TRPC1: variants seen among roughly 807,000 people sequenced by gnomAD.
TRPC1 encodes the protein short transient receptor potential channel 1.
A neutral mutation model predicts 88.2 loss-of-function variants in TRPC1; 42 were observed. The ratio of observed to expected loss-of-function variants is 0.48; its 90% CI spans 0.37 to 0.62. The LOEUF is 0.62. Ranked by LOEUF, TRPC1 falls within the 20% of genes least tolerant of loss-of-function variation. TRPC1 has a pLI of 0.00. For missense variants in TRPC1, 699 were observed against 957.3 expected (o/e 0.73, Z 3.56); for synonymous variants, 288 against 331.8 (o/e 0.87, Z 1.43).
intron 1 of TRPC1, among the ~76,000 whole-genome samples, chr3:142,727,996 T>G (rs4607150): frequency 6.6e-6 from 1 of 151,586 alleles, no homozygotes; most frequent in African/African-American, 2.4e-5. Flanking sequence ...AAAAAAAAAC[T>G]TGTTGAGTAG....
At chr3:142,731,032 C>G (rs1331919738) in intron 1 of TRPC1, among the ~76,000 whole-genome samples, 2 of 152,166 alleles carry the variant, frequency 1.3e-5, no homozygotes, top group Non-Finnish European at 2.9e-5. Context: ...TAACATTTCT[C>G]CATTGTATTT....
intron 6 of TRPC1, 98 bp from the exon 7 acceptor site, chr3:142,784,606 T>C (rs1936072449): frequency 1.0e-6 from 1 of 969,180 alleles, no homozygotes; most frequent in Non-Finnish European, 1.5e-6. Flanking sequence ...AATTGATTTT[T>C]AAACTCTTAT....
intron 3 of TRPC1, among the ~76,000 whole-genome samples, chr3:142,744,977 A>G (rs993283289): frequency 3.9e-4 from 60 of 152,360 alleles, no homozygotes; most frequent in African/African-American, 1.4e-3. Context: ...ACTCTCTGCC[A>G]TGTTTGAGAA....
intron 4 of TRPC1, among the ~76,000 whole-genome samples, chr3:142,763,996 A>T (rs1293953235): frequency 1.4e-5 from 1 of 69,868 alleles, no homozygotes; most frequent in Non-Finnish European, 2.5e-5. Flanking sequence ...ACATACATAC[A>T]TACATATATA....
At chr3:142,793,456 A>G (rs938383823) in intron 9 of TRPC1, among the ~76,000 whole-genome samples, 4 of 152,054 alleles carry the variant, frequency 2.6e-5, no homozygotes, top group African/African-American at 9.7e-5. Context: ...GCATACTTAG[A>G]GCTAAAAAAT....
chr3:142,748,203 A>C (rs963638947), intron 3 of TRPC1, 55 bp from the exon 4 acceptor site: 65 of 1,394,812 alleles, frequency 4.7e-5, no homozygotes, highest in Non-Finnish European at 6.3e-5. Context: ...TCAGATAAAT[A>C]TATTTTTTGA....
At chr3:142,740,169 T>A (rs2108028699) in intron 2 of TRPC1, among the ~76,000 whole-genome samples, 1 of 152,358 alleles carries the variant, frequency 6.6e-6, no homozygotes, top group Non-Finnish European at 1.5e-5. Context: ...CCAAAAAGGT[T>A]GGAGACCGCT....
At chr3:142,763,066 G>C (rs1428654756) in intron 4 of TRPC1, among the ~76,000 whole-genome samples, 4 of 151,970 alleles carry the variant, frequency 2.6e-5, no homozygotes, top group Non-Finnish European at 5.9e-5. Context: ...AATTTGTTTA[G>C]ACTTGTTTTG....
At chr3:142,738,125 G>A (rs1260395802) in intron 2 of TRPC1, among the ~76,000 whole-genome samples, 2 of 152,156 alleles carry the variant, frequency 1.3e-5, no homozygotes, top group Non-Finnish European at 2.9e-5. Flanking sequence ...CTATATAGAT[G>A]TTACATTTTA....
intron 1 of TRPC1, among the ~76,000 whole-genome samples, chr3:142,736,007 T>C (rs966382614): frequency 6.6e-5 from 10 of 152,178 alleles, no homozygotes; most frequent in African/African-American, 2.2e-4. Flanking sequence ...CTTAATTCTT[T>C]AAGCTTTTTC....
At chr3:142,785,367 G>T in intron 7 of TRPC1, 2 of 184,116 alleles carry the variant, frequency 1.1e-5, no homozygotes, top group South Asian at 1.6e-4. Flanking sequence ...TTTGGTGTAA[G>T]AATATGAAGT....
At chr3:142,757,300 T>A (rs888005813) in intron 4 of TRPC1, among the ~76,000 whole-genome samples, 11 of 151,822 alleles carry the variant, frequency 7.2e-5, no homozygotes, top group Admixed American at 6.6e-4. Context: ...TAAAAAAAAA[T>A]TATGTTTAAA....
At chr3:142,751,060 GTTAAAAT>G (rs1225525618) in intron 4 of TRPC1, among the ~76,000 whole-genome samples, 1 of 152,124 alleles carries the variant, frequency 6.6e-6, no homozygotes, top group Non-Finnish European at 1.5e-5. Flanking sequence ...TGGTAAAAAA[GTTAAAAT>G]TTAAAGTTTA....
rs1029666157 is a variant in TRPC1, at chr3:142,776,216, G to A, written c.633-1416G>A. Reference sequence around the variant, plus strand: ...TCGTGTGTGAGTAGAAAATATCAGGGAGGACATGCACAATTCTCTGTAAAA... The same window carrying A: ...TCGTGTGTGAGTAGAAAATATCAGGAAGGACATGCACAATTCTCTGTAAAA... On this transcript the variant is annotated intron_variant, in intron 4 of 12. Coordinates refer to ENST00000476941, the MANE Select transcript of TRPC1 (RefSeq NM_001251845.2). This position sits in a 1 kb window ranked among gnomAD's most constrained non-coding sequence, Gnocchi z 4.1. 4.6e-5 allele frequency among the ~76,000 whole-genome samples: 7 copies of A among 152,152 alleles called. No homozygotes were observed. Among genetic ancestry groups the A allele is most frequent in the African/African-American group, 1.4e-4 (6 of 41,448 alleles).
In TRPC1 at chr3:142,807,267, T is replaced by A. The variant is rs769321940; in HGVS notation, c.*1032T>A. 1 of 152,222 alleles carries A rather than the reference T, an allele frequency of 6.6e-6. No individual in the cohort carries two copies. Among genetic ancestry groups the A allele is most frequent in the Non-Finnish European group, 1.5e-5 (1 of 68,026 alleles). 9.4% of individuals were successfully genotyped at this position (152,222 alleles called of 1,614,324 possible). ...TATCTCCCAAGGTACTTTCCATAAT[T>A]TAACACAGCTTCTATAAAAGTGACT... On this transcript the variant is annotated 3_prime_UTR_variant, in exon 13 of 13. Transcript: ENST00000476941.
intron 4 of TRPC1, among the ~76,000 whole-genome samples, chr3:142,761,654 G>C (rs1367034620): frequency 6.6e-6 from 1 of 152,068 alleles, no homozygotes; most frequent in Non-Finnish European, 1.5e-5. Context: ...GTTGGTATTA[G>C]TTTTCTTGAA....
intron 4 of TRPC1, among the ~76,000 whole-genome samples, chr3:142,774,452 C>G (rs993144534): frequency 6.6e-6 from 1 of 152,198 alleles, no homozygotes; most frequent in Non-Finnish European, 1.5e-5. Context: ...CCATTACTTT[C>G]AGCCAGTAGA....
intron 1 of TRPC1, among the ~76,000 whole-genome samples, chr3:142,736,116 TATTA>T (rs1437433566): frequency 6.6e-6 from 1 of 152,116 alleles, no homozygotes; most frequent in Non-Finnish European, 1.5e-5. Flanking sequence ...ATCATTCAGT[TATTA>T]ATTTTAAACT....
chr3:142,724,510 C>CG lies in TRPC1; in HGVS notation c.-48dup. 2.0e-6 allele frequency: 3 copies of CG among 1,464,470 alleles called. No homozygotes were observed. Among genetic ancestry groups the CG allele is most frequent in the South Asian group, 1.3e-5 (1 of 75,528 alleles). The allele number at this position is 1,464,470 out of a possible 1,614,324, so 90.7% of individuals were successfully genotyped here. A position where few individuals can be genotyped will look rare whatever the true frequency, so the allele number is the denominator to read the frequency against. On this transcript the variant is annotated 5_prime_UTR_variant, in exon 1 of 13. Transcript: ENST00000476941. This position sits in a 1 kb window ranked among gnomAD's most constrained non-coding sequence, Gnocchi z 5.6. ...CTGGGGTCGGGGTCGGGGTCGGGGCCGGTGGGGGCCCCGCCCCCGTCTCCT... is the reference window on the plus strand; with the variant it reads ...CTGGGGTCGGGGTCGGGGTCGGGGCCGGGTGGGGGCCCCGCCCCCGTCTCCT...
Sources: allele counts gnomAD v4.1 joint callset (sites outside exome capture counted in the v4.1 genomes callset), GRCh38; gene constraint gnomAD v4.1.1; non-coding constraint Gnocchi (gnomAD v3.1); transcripts MANE v1.5; gene names NCBI Gene and HGNC (gene_info 2026-07-23, HGNC 2026-07-21).